The following ACOXL variants were observed in gnomAD, a reference collection of about 807,000 sequenced individuals.
ACOXL encodes the protein acyl-CoA oxidase like, also known as acyl-coenzyme A oxidase-like protein.
In ACOXL, 70 loss-of-function variants were observed where a neutral mutation model predicts 71.9. The ratio of observed to expected loss-of-function variants is 0.97; its 90% CI spans 0.80 to 1.19. The LOEUF is 1.19. ACOXL is among the 50% of genes most tolerant of loss of function. The probability of loss-of-function intolerance (pLI) is 0.00; values close to 1 mark genes in which losing one functional copy is unlikely to be tolerated. For missense variants in ACOXL, 703 were observed against 736.3 expected (o/e 0.95, Z 0.52); for synonymous variants, 253 against 281.6 (o/e 0.90, Z 1.02).
chr2:110,823,098 C>T (rs1281615417), intron 9 of ACOXL, among the ~76,000 whole-genome samples: 1 of 151,944 alleles, frequency 6.6e-6, no homozygotes, highest in Non-Finnish European at 1.5e-5. Flanking sequence ...ACTAAAAATA[C>T]AAAAATTAGC....
chr2:110,983,053 T>C (rs958371205), intron 12 of ACOXL, among the ~76,000 whole-genome samples: 2 of 152,202 alleles, frequency 1.3e-5, no homozygotes, highest in Admixed American at 1.3e-4. Context: ...TTTGAGTCAA[T>C]CTCCCACTCT....
intron 1 of ACOXL, among the ~76,000 whole-genome samples, chr2:110,766,139 G>T (rs560617927): frequency 6.6e-6 from 1 of 152,180 alleles, no homozygotes; most frequent in Admixed American, 6.5e-5. Flanking sequence ...GATTAATCTT[G>T]GTGTGGGTAT....
chr2:110,842,339 T>C (rs1213074403), intron 10 of ACOXL, among the ~76,000 whole-genome samples: 1 of 152,118 alleles, frequency 6.6e-6, no homozygotes, highest in African/African-American at 2.4e-5. Context: ...TCTGGAGACC[T>C]ATGAAAGAAA....
At chr2:110,987,931 A>G (rs1015531341) in intron 13 of ACOXL, among the ~76,000 whole-genome samples, 15 of 152,142 alleles carry the variant, frequency 9.9e-5, no homozygotes, top group Non-Finnish European at 2.9e-5. Flanking sequence ...GATGTGCACA[A>G]GAGTTTTTAT....
intron 10 of ACOXL, among the ~76,000 whole-genome samples, chr2:110,849,749 AAAAC>A (rs71383889): frequency 0.25 from 36,992 of 150,980 alleles, 4,864 homozygotes; most frequent in East Asian, 0.31. Context: ...CAGAGTGAGA[AAAAC>A]AAACAAACAA....
chr2:110,785,547 A>T (rs1431069647), intron 3 of ACOXL, among the ~76,000 whole-genome samples: 1 of 152,000 alleles, frequency 6.6e-6, no homozygotes, highest in Non-Finnish European at 1.5e-5. Flanking sequence ...TTTGGCAAGC[A>T]CTAATCTGTT....
At chr2:110,887,073 C>A in intron 10 of ACOXL, 1 of 472,822 alleles carries the variant, frequency 2.1e-6, no homozygotes, top group Non-Finnish European at 3.7e-6. Flanking sequence ...TCTCTCCAGG[C>A]AGATGGCCTG....
intron 17 of ACOXL, chr2:111,099,531 G>A (rs2069002787): frequency 6.6e-6 from 1 of 152,270 alleles, no homozygotes; most frequent in South Asian, 2.1e-4. Context: ...GGAGGAGGAT[G>A]AGCTGCTCCC....
intron 9 of ACOXL, among the ~76,000 whole-genome samples, chr2:110,839,614 G>C (rs542270357): frequency 2.6e-5 from 4 of 152,148 alleles, no homozygotes; most frequent in African/African-American, 9.7e-5. Flanking sequence ...CTGATGGCTT[G>C]CCCTCGTTGG....
rs2059550669 is a variant in ACOXL, at chr2:110,908,804, G to A, written c.804G>A (p.Gly268=). The change falls in exon 11 of 18, where the codon GGG becomes GGA. Residue 268 remains glycine (G), a synonymous_variant. Coordinates refer to ENST00000439055, the MANE Select transcript of ACOXL (RefSeq NM_001142807.4). ...IRYSHSRRQF[G]PKTKEEVKII... ...TTCCCTCTAGCCGGAGGCAGTTTGGGCCCAAAACCAAGGAAGAGGTGAAGA... is the reference window on the plus strand; with the variant it reads ...TTCCCTCTAGCCGGAGGCAGTTTGGACCCAAAACCAAGGAAGAGGTGAAGA... 6.2e-7 allele frequency: 1 copy of A among 1,613,976 alleles called. No homozygotes were observed. Among genetic ancestry groups the A allele is most frequent in the South Asian group, 1.1e-5 (1 of 91,028 alleles).
At position 110,785,650 on chromosome 2, in the gene ACOXL, A is replaced by C. The variant is rs184554278; in HGVS notation, c.159+835A>C. ...TGCTGTATAATATTCCTTTGTGTGA[A>C]TATACCACAGCATTTATTCATCCAC... is the stretch of plus-strand genomic sequence containing the variant. On this transcript the variant is annotated intron_variant, in intron 3 of 17. Coordinates refer to ENST00000439055, the MANE Select transcript of ACOXL (RefSeq NM_001142807.4). Among the ~76,000 whole-genome samples the C allele has an allele frequency of 3.3e-3, 497 of 152,244 alleles. 3 individuals are homozygous for C. The highest frequency in any genetic ancestry group is 0.012 in the African/African-American group (484 of 41,520).
chr2:110,870,340 C>CTT lies in ACOXL; in HGVS notation c.788+28948_788+28949dup, dbSNP rs138530387. ...CTTCCTTTTCAAGGGAAGCCCTAGA[C>CTT]TTTTTTTTTTTTTTAAAGAAGTAAA... is the stretch of plus-strand genomic sequence containing the variant. On this transcript the variant is annotated intron_variant, in intron 10 of 17. Coordinates refer to ENST00000439055, the MANE Select transcript of ACOXL (RefSeq NM_001142807.4). Among the ~76,000 whole-genome samples, 60 of 146,134 alleles carry CTT rather than the reference C, an allele frequency of 4.1e-4. 1 individual carries two copies. The highest frequency in any genetic ancestry group is 7.9e-4 in the East Asian group (4 of 5,044).
chr2:111,098,163 G>A (rs907083987), intron 17 of ACOXL, among the ~76,000 whole-genome samples: 10 of 152,136 alleles, frequency 6.6e-5, no homozygotes, highest in Admixed American at 1.3e-4. Flanking sequence ...AAATCTAAGC[G>A]TGAGAAAACA....
intron 9 of ACOXL, among the ~76,000 whole-genome samples, chr2:110,811,749 A>G (rs1266124355): frequency 1.9e-4 from 29 of 149,440 alleles, no homozygotes; most frequent in African/African-American, 7.2e-4. Flanking sequence ...ACACACACAC[A>G]CACACACACA....
At chr2:110,959,439 C>T (rs181814921) in intron 12 of ACOXL, among the ~76,000 whole-genome samples, 9 of 152,262 alleles carry the variant, frequency 5.9e-5, no homozygotes, top group South Asian at 2.1e-4. Flanking sequence ...CCTTTAAGTG[C>T]GAAGTCTTTA....
At chr2:111,026,207 T>C (rs1041513148) in intron 14 of ACOXL, among the ~76,000 whole-genome samples, 23 of 152,210 alleles carry the variant, frequency 1.5e-4, no homozygotes, top group African/African-American at 4.1e-4. Context: ...AATCCTCCAA[T>C]GCTTCTTTTC....
intron 12 of ACOXL, among the ~76,000 whole-genome samples, chr2:110,935,312 C>T (rs999051493): frequency 3.3e-5 from 5 of 152,170 alleles, no homozygotes; most frequent in Non-Finnish European, 2.9e-5. Flanking sequence ...TGGGCAGGCC[C>T]AGGGGTCTCT....
At chr2:110,762,175 A>G (rs1680488514) in intron 1 of ACOXL, among the ~76,000 whole-genome samples, 4 of 151,808 alleles carry the variant, frequency 2.6e-5, no homozygotes. Flanking sequence ...TTTCTTTTTG[A>G]TTAGCGTTCA....
At chr2:110,797,652 A>ATTT (rs1685440753) in intron 5 of ACOXL, among the ~76,000 whole-genome samples, 2 of 152,218 alleles carry the variant, frequency 1.3e-5, no homozygotes, top group Non-Finnish European at 2.9e-5. Flanking sequence ...CCTGGGAAAC[A>ATTT]GCGAGGAACC....
Sources: allele counts gnomAD v4.1 joint callset (sites outside exome capture counted in the v4.1 genomes callset), GRCh38; gene constraint gnomAD v4.1.1; transcripts MANE v1.5; gene names NCBI Gene and HGNC (gene_info 2026-07-23, HGNC 2026-07-21).